The following PLXNA4 variants were observed in gnomAD, a reference collection of about 807,000 sequenced individuals.
The protein encoded by PLXNA4 is plexin-A4.
In PLXNA4, 44 loss-of-function variants were observed where a neutral mutation model predicts 191.8. The observed-to-expected ratio is 0.23, with a 90% CI of 0.18 to 0.29. The LOEUF (loss-of-function observed/expected upper bound fraction) is 0.29, where lower values mean the gene tolerates loss of function less well. PLXNA4 is among the 10% of genes least tolerant of loss of function. The pLI, the probability that PLXNA4 is intolerant of heterozygous loss-of-function variation, is 1.00. For synonymous variants in PLXNA4, 1,082 were observed against 1,009.5 expected, an observed-to-expected ratio of 1.07 and a Z score of -1.36; for missense variants, 1,800 against 2,488.8, an observed-to-expected ratio of 0.72 and a Z score of 5.89.
At chr7:132,350,649 T>G (rs914505848) in intron 3 of PLXNA4, among the ~76,000 whole-genome samples, 3 of 152,192 alleles carry the variant, frequency 2.0e-5, no homozygotes, top group African/African-American at 7.2e-5. Context: ...CAAGTGTTGG[T>G]GAGGGTGTGC....
At chr7:132,164,121 G>A in intron 24 of PLXNA4, 21 bp downstream of exon 24, 3 of 1,613,158 alleles carry the variant, frequency 1.9e-6, no homozygotes, top group Non-Finnish European at 2.5e-6. Context: ...AGCCCCAGGG[G>A]AAACAGATGG....
At position 132,277,732 on chromosome 7, in the gene PLXNA4, C is replaced by A. The variant is rs796609626; in HGVS notation, c.1503+20359G>T. ...GTTTGGTTCTTACCCCTTTTCTTCCCTGACCTTGAGGCTTAACACCTAGCA... is the reference window on the plus strand; with the variant it reads ...GTTTGGTTCTTACCCCTTTTCTTCCATGACCTTGAGGCTTAACACCTAGCA... On this transcript the variant is annotated intron_variant, in intron 4 of 31. Coordinates refer to ENST00000321063, the MANE Select transcript of PLXNA4 (RefSeq NM_020911.2). Among the ~76,000 whole-genome samples the A allele has an allele frequency of 5.3e-5, 8 of 152,296 alleles. 1 individual carries two copies. The highest frequency in any genetic ancestry group is 1.9e-4 in the African/African-American group (8 of 41,560).
chr7:132,253,232 C>CT (rs56010775), intron 4 of PLXNA4, among the ~76,000 whole-genome samples: 2,610 of 134,192 alleles, frequency 0.019, 35 homozygotes, highest in African/African-American at 0.027. Flanking sequence ...TTTCTTTTTT[C>CT]TTTTTTTTTT....
intron 15 of PLXNA4, 61 bp downstream of exon 15, chr7:132,187,410 A>T (rs1442474368): frequency 6.4e-7 from 1 of 1,559,766 alleles, no homozygotes; most frequent in African/African-American, 1.4e-5. Context: ...GCTACCCTGA[A>T]GTCATTTACC....
intron 2 of PLXNA4, among the ~76,000 whole-genome samples, chr7:132,602,672 A>G (rs1687819454): frequency 6.6e-6 from 1 of 152,218 alleles, no homozygotes; most frequent in Admixed American, 6.5e-5. Context: ...CCACCAAAAT[A>G]GTTACCAGGG....
intron 2 of PLXNA4, among the ~76,000 whole-genome samples, chr7:132,588,069 C>T (rs959524737): frequency 6.6e-6 from 1 of 151,812 alleles, no homozygotes; most frequent in African/African-American, 2.4e-5. Context: ...TCCCTTAACC[C>T]TCTGAAGGCT....
Position 132,164,294 on chromosome 7 carries a change from G to A in PLXNA4, c.4354-6C>T. 6.2e-7 allele frequency: 1 copy of A among 1,613,714 alleles called. No homozygotes were observed. Among genetic ancestry groups the A allele is most frequent in the Non-Finnish European group, 8.5e-7 (1 of 1,179,674 alleles). ...AGGGGCTCCCCAGCACACTCCTGGAGGTGAGAAGAACGTCATTAGGAGGAG... is the reference window on the plus strand; with the variant it reads ...AGGGGCTCCCCAGCACACTCCTGGAAGTGAGAAGAACGTCATTAGGAGGAG... On this transcript the variant is annotated splice_region_variant and splice_polypyrimidine_tract_variant and intron_variant, in intron 23 of 31. Transcript: ENST00000321063.
rs368893567 is a variant in PLXNA4, at chr7:132,228,149, T to A, written c.1728+197A>T. Among the ~76,000 whole-genome samples the A allele has an allele frequency of 1.3e-3, 194 of 152,300 alleles. 8 individuals carry two copies. The South Asian group carries it at 0.039, about 30-fold the overall frequency. On this transcript the variant is annotated intron_variant, in intron 6 of 31. Coordinates refer to ENST00000321063, the MANE Select transcript of PLXNA4 (RefSeq NM_020911.2). ...TTTATGAATAGAGCCTCTTCCCCAATAGTCCTGTCCCTGTCTCCTTCTTGC... is the reference window on the plus strand; with the variant it reads ...TTTATGAATAGAGCCTCTTCCCCAAAAGTCCTGTCCCTGTCTCCTTCTTGC...
At chr7:132,180,454 T>C (rs1383272873) in intron 19 of PLXNA4, 132 bp downstream of exon 19, 3 of 1,379,570 alleles carry the variant, frequency 2.2e-6, no homozygotes, top group African/African-American at 2.9e-5. Flanking sequence ...AAGAAAGAAC[T>C]TGGGGTGTGG....
intron 3 of PLXNA4, among the ~76,000 whole-genome samples, chr7:132,315,099 T>C (rs1190662294): frequency 6.6e-6 from 1 of 152,206 alleles, no homozygotes; most frequent in Non-Finnish European, 1.5e-5. Flanking sequence ...ACTTTTCCAT[T>C]TGGCACCTAA....
intron 13 of PLXNA4, among the ~76,000 whole-genome samples, chr7:132,196,893 A>C (rs980694030): frequency 6.6e-6 from 1 of 152,176 alleles, no homozygotes; most frequent in Non-Finnish European, 1.5e-5. Context: ...TTGTACGTTC[A>C]TGCTCTTTGA....
chr7:132,146,828 G>A (rs1435349902), intron 27 of PLXNA4, 128 bp from the exon 28 acceptor site: 25 of 1,499,686 alleles, frequency 1.7e-5, no homozygotes, highest in Non-Finnish European at 2.2e-5. Context: ...GGTCGGTGCT[G>A]TCACCTTGCC....
At chr7:132,394,696 G>A (rs561015070) in intron 3 of PLXNA4, among the ~76,000 whole-genome samples, 1 of 152,278 alleles carries the variant, frequency 6.6e-6, no homozygotes, top group South Asian at 2.1e-4. Flanking sequence ...GTGAGGCCAG[G>A]GCCATGAATG....
At chr7:132,249,021 C>T (rs1169358607) in intron 4 of PLXNA4, among the ~76,000 whole-genome samples, 1 of 152,244 alleles carries the variant, frequency 6.6e-6, no homozygotes, top group Non-Finnish European at 1.5e-5. Context: ...GCTACCACCA[C>T]TGTCCCTACC....
intron 3 of PLXNA4, among the ~76,000 whole-genome samples, chr7:132,341,706 A>T (rs1017282415): frequency 2.6e-5 from 4 of 152,060 alleles, no homozygotes; most frequent in African/African-American, 9.7e-5. Context: ...CTTCCTCATC[A>T]TGGCCCTTAC....
At chr7:132,566,390 T>C (rs1244859668) in intron 1 of PLXNA4, among the ~76,000 whole-genome samples, 1 of 152,126 alleles carries the variant, frequency 6.6e-6, no homozygotes, top group African/African-American at 2.4e-5. Flanking sequence ...CTAACTTCAC[T>C]CTCCAGGTCA....
intron 3 of PLXNA4, among the ~76,000 whole-genome samples, chr7:132,391,055 A>G (rs1805389016): frequency 6.6e-6 from 1 of 152,158 alleles, no homozygotes; most frequent in Non-Finnish European, 1.5e-5. Context: ...TTTCGAGTAA[A>G]GCAAAGGGAT....
chr7:132,270,938 T>C (rs1045095304), intron 4 of PLXNA4, among the ~76,000 whole-genome samples: 1 of 152,208 alleles, frequency 6.6e-6, no homozygotes, highest in Non-Finnish European at 1.5e-5. Context: ...AGTACTCACT[T>C]ACATCTGGTT....
At chr7:132,577,429 C>T (rs1802301153), upstream of PLXNA4, 2 of 145,274 alleles carry the variant, frequency 1.4e-5, no homozygotes, top group African/African-American at 2.5e-5. Flanking sequence ...CGCCTCCTCT[C>T]CTCCCTGCCG....
Sources: gnomAD v4.1 joint callset for allele counts (sites outside exome capture counted in the v4.1 genomes callset) on GRCh38, gnomAD v4.1.1 for gene constraint, MANE v1.5 for transcripts, NCBI Gene and HGNC (gene_info 2026-07-23, HGNC 2026-07-21) for gene names.